Variants in MIS18BP1 observed in about 807,000 individuals in gnomAD.
The protein encoded by MIS18BP1 is MIS18 binding protein 1.
In MIS18BP1, 72 loss-of-function variants were observed where a neutral mutation model predicts 116.1. The observed-to-expected ratio is 0.62, with a 90% CI of 0.51 to 0.75. The LOEUF is 0.75. Among genes scored for constraint, MIS18BP1 ranks in the 30% least tolerant of loss-of-function variants. The pLI, the probability that MIS18BP1 is intolerant of heterozygous loss-of-function variation, is 0.00. For missense variants in MIS18BP1, 1,363 were observed against 1,303.2 expected (o/e 1.05, Z -0.71); for synonymous variants, 386 against 427.0 (o/e 0.90, Z 1.18).
intron 10 of MIS18BP1, among the ~76,000 whole-genome samples, chr14:45,224,976 C>G (rs1173102461): frequency 2.6e-5 from 4 of 152,162 alleles, no homozygotes. Flanking sequence ...TGACTTCTCA[C>G]AGTCTTTTAG....
rs1890413905 is a variant in MIS18BP1 at position 45,203,229 on chromosome 14, T to C, written c.*880A>G. The C allele has an allele frequency of 4.6e-5, 7 of 151,888 alleles. No individual in the cohort carries two copies. 9.4% of individuals were successfully genotyped at this position (151,888 alleles called of 1,614,324 possible). ...ACTAACTTTATTTGAATAATCTAAA[T>C]AGAGAACAAGGGTAGGTGAATGTGT... On this transcript the variant is annotated 3_prime_UTR_variant, in exon 17 of 17. Transcript: ENST00000310806.
At position 45,206,144 on chromosome 14, in the gene MIS18BP1, C is replaced by A; in HGVS notation, c.3179G>T (p.Arg1060Leu). ...ATTACTTTTATGATATTTTTGCATA[C>A]GAAAAACATATTTATCACAGTCATT... ...NRNDCDKYVF[R>L]MQKYHKSNGG... Residue 1060 changes from arginine to leucine, a missense_variant, in exon 15 of 17, where the codon CGT becomes CTT. By Grantham distance (102) the Arg-to-Leu change is moderately radical. Coordinates refer to ENST00000310806, the MANE Select transcript of MIS18BP1 (RefSeq NM_018353.5). 1.2e-6 allele frequency: 2 copies of A among 1,606,790 alleles called. No homozygotes were observed. Among genetic ancestry groups the A allele is most frequent in the Non-Finnish European group, 1.7e-6 (2 of 1,174,912 alleles).
chr14:45,210,539 A>T lies in MIS18BP1; in HGVS notation c.3004-11T>A. ...CTGGAAACTTGGCAACTAGAAAACA[A>T]GTATTTATTATCAGCAGGCACCCCA... On this transcript the variant is annotated splice_polypyrimidine_tract_variant and intron_variant, in intron 13 of 16. Coordinates refer to ENST00000310806, the MANE Select transcript of MIS18BP1 (RefSeq NM_018353.5). 1 of 1,613,644 alleles carries T rather than the reference A, an allele frequency of 6.2e-7. No homozygotes were observed.
At chr14:45,232,212 C>T (rs1255654806) in intron 7 of MIS18BP1, among the ~76,000 whole-genome samples, 11 of 151,542 alleles carry the variant, frequency 7.3e-5, no homozygotes, top group Middle Eastern at 3.2e-3. Flanking sequence ...GTCAGGAGAT[C>T]GAGACCATCC....
chr14:45,227,004 C>T (rs1046068640), intron 9 of MIS18BP1, among the ~76,000 whole-genome samples, 168 bp from the exon 10 acceptor site: 1 of 152,168 alleles, frequency 6.6e-6, no homozygotes, highest in Non-Finnish European at 1.5e-5. Context: ...TTGAGCACTA[C>T]GAGCAACATC....
chr14:45,209,268 T>G (rs1890610680), intron 14 of MIS18BP1, among the ~76,000 whole-genome samples: 1 of 152,182 alleles, frequency 6.6e-6, no homozygotes, highest in African/African-American at 2.4e-5. Context: ...TGCATCTACC[T>G]TTGTTTCATT....
intron 7 of MIS18BP1, among the ~76,000 whole-genome samples, chr14:45,232,264 A>G (rs1891300490): frequency 6.6e-6 from 1 of 151,874 alleles, no homozygotes; most frequent in South Asian, 2.1e-4. Context: ...AAAATACAAA[A>G]AAATTAGCCA....
At position 45,204,063 on chromosome 14, in the gene MIS18BP1, G is replaced by A. The variant is rs1244907636; in HGVS notation, c.*46C>T. On this transcript the variant is annotated 3_prime_UTR_variant, in exon 17 of 17. Coordinates refer to ENST00000310806, the MANE Select transcript of MIS18BP1 (RefSeq NM_018353.5). ...TACTCCAGTTGAAAATACAAACACT[G>A]TCTGCTTTATGGTAAAAATCCCAGG... 5 of 1,587,414 alleles carry A rather than the reference G, an allele frequency of 3.1e-6. No homozygotes were observed. The highest frequency in any genetic ancestry group is 1.4e-5 in the African/African-American group (1 of 73,430).
At chr14:45,243,776 TAA>T (rs1315476797) in intron 2 of MIS18BP1, among the ~76,000 whole-genome samples, 3 of 152,110 alleles carry the variant, frequency 2.0e-5, no homozygotes, top group Non-Finnish European at 2.9e-5. Flanking sequence ...TCAAATGCAA[TAA>T]GTTATATTTA....
intron 4 of MIS18BP1, 62 bp from the exon 5 acceptor site, chr14:45,237,783 A>T: frequency 1.3e-6 from 2 of 1,516,112 alleles, no homozygotes; most frequent in Non-Finnish European, 1.8e-6. Flanking sequence ...GCATTACAAA[A>T]TTAACTTACA....
chr14:45,227,979 C>G (rs1342726799), intron 8 of MIS18BP1, among the ~76,000 whole-genome samples, 165 bp from the exon 9 acceptor site: 2 of 152,140 alleles, frequency 1.3e-5, no homozygotes, highest in East Asian at 3.9e-4. Context: ...GAGTTCAAGA[C>G]TAGCCTAGGC....
chr14:45,226,878 T>G lies in MIS18BP1; in HGVS notation c.1747-42A>C, dbSNP rs771625705. On this transcript the variant is annotated intron_variant, in intron 9 of 16. Coordinates refer to ENST00000310806, the MANE Select transcript of MIS18BP1 (RefSeq NM_018353.5). ...TACCTAGGTTTTATTTTAAAACTAC[T>G]ACCAAAACATGATCTGAAGCATTTT... The G allele has an allele frequency of 7.0e-5, 89 of 1,272,216 alleles. 1 individual carries two copies. Among genetic ancestry groups the G allele is most frequent in the Non-Finnish European group, 8.9e-5 (87 of 974,184 alleles). 78.8% of individuals were successfully genotyped at this position (1,272,216 alleles called of 1,614,324 possible). A position where few individuals can be genotyped will look rare whatever the true frequency, so the allele number is the denominator to read the frequency against.
intron 14 of MIS18BP1, among the ~76,000 whole-genome samples, chr14:45,209,220 A>G (rs1566801320): frequency 6.6e-6 from 1 of 152,170 alleles, no homozygotes; most frequent in African/African-American, 2.4e-5. Context: ...ATACATACAT[A>G]TAGCTTCTAT....
At chr14:45,231,949 A>G (rs1891290019) in intron 7 of MIS18BP1, among the ~76,000 whole-genome samples, 1 of 152,252 alleles carries the variant, frequency 6.6e-6, no homozygotes, top group Non-Finnish European at 1.5e-5. Flanking sequence ...AAAAGGAGGA[A>G]GAACTGCACA....
intron 14 of MIS18BP1, among the ~76,000 whole-genome samples, chr14:45,208,205 T>C (rs965672338): frequency 1.2e-4 from 19 of 152,220 alleles, no homozygotes; most frequent in Non-Finnish European, 4.4e-5. Context: ...ATAACTTTCC[T>C]TATTTTTGGA....
chr14:45,225,937 C>T (rs950196336), intron 10 of MIS18BP1, among the ~76,000 whole-genome samples: 2 of 151,992 alleles, frequency 1.3e-5, no homozygotes, highest in African/African-American at 4.8e-5. Flanking sequence ...AATTACAATC[C>T]GTGGAAAAAG....
chr14:45,251,150 C>CT (rs538559660), intron 1 of MIS18BP1, among the ~76,000 whole-genome samples: 2 of 151,456 alleles, frequency 1.3e-5, no homozygotes, highest in East Asian at 1.9e-4. Context: ...TTTGGTGTAC[C>CT]TTTTTTTTAA....
rs1219633937 is a variant in MIS18BP1, at chr14:45,234,225, G to GA, written c.1349-1406dup. 4.4e-3 allele frequency among the ~76,000 whole-genome samples: 570 copies of GA among 129,344 alleles called. 5 individuals are homozygous for GA. Among genetic ancestry groups the GA allele is most frequent in the Admixed American group, 0.026 (340 of 13,012 alleles). The allele number at this position is 129,344 out of a possible 152,430, so 84.9% of individuals were successfully genotyped here. A position where few individuals can be genotyped will look rare whatever the true frequency, so the allele number is the denominator to read the frequency against. On this transcript the variant is annotated intron_variant, in intron 6 of 16. Coordinates refer to ENST00000310806, the MANE Select transcript of MIS18BP1 (RefSeq NM_018353.5). ...GAACTGGAGGTTAAAGAGAATTCAAGAAAAAAAAAAAGAAAATTCAAGAGA... is the reference window on the plus strand; with the variant it reads ...GAACTGGAGGTTAAAGAGAATTCAAGAAAAAAAAAAAAGAAAATTCAAGAGA...
At chr14:45,221,141 G>GA (rs921328479) in intron 11 of MIS18BP1, among the ~76,000 whole-genome samples, 2 of 147,970 alleles carry the variant, frequency 1.4e-5, no homozygotes, top group African/African-American at 2.5e-5. Flanking sequence ...TCTCCAAAAA[G>GA]AAAAAAAATA....
Sources: gnomAD v4.1 joint callset for allele counts (sites outside exome capture counted in the v4.1 genomes callset) on GRCh38, gnomAD v4.1.1 for gene constraint, MANE v1.5 for transcripts, NCBI Gene and HGNC (gene_info 2026-07-23, HGNC 2026-07-21) for gene names.